SPTAN1: variants seen among roughly 807,000 people sequenced by gnomAD.
SPTAN1 encodes the protein spectrin alpha chain, non-erythrocytic 1.
A neutral mutation model predicts 331.3 loss-of-function variants in SPTAN1; 61 were observed. The ratio of observed to expected loss-of-function variants is 0.18; its 90% CI spans 0.15 to 0.23. The LOEUF (loss-of-function observed/expected upper bound fraction) is 0.23. SPTAN1 is among the 10% of genes least tolerant of loss of function. SPTAN1 has a pLI of 1.00. For missense variants in SPTAN1, 2,043 were observed against 3,147.9 expected, an observed-to-expected ratio of 0.65 and a Z score of 8.40; for synonymous variants, 1,153 against 1,173.9, an observed-to-expected ratio of 0.98 and a Z score of 0.36.
At chr9:128,555,628 T>A (rs904051920) in intron 1 of SPTAN1, among the ~76,000 whole-genome samples, 1 of 151,244 alleles carries the variant, frequency 6.6e-6, no homozygotes, top group Non-Finnish European at 1.5e-5. Context: ...GCCTTTTTTT[T>A]TTTTTTTTTT....
intron 31 of SPTAN1, among the ~76,000 whole-genome samples, chr9:128,605,833 A>G (rs1010695645): frequency 6.6e-6 from 1 of 152,166 alleles, no homozygotes; most frequent in Non-Finnish European, 1.5e-5. Context: ...CTCTACCAAA[A>G]GTACAAAAAT....
At position 128,581,077 on chromosome 9, in the gene SPTAN1, C is replaced by G. The variant is rs778020180; in HGVS notation, c.1461+18C>G. On this transcript the variant is annotated intron_variant, in intron 11 of 56. Coordinates refer to ENST00000372739, the MANE Select transcript of SPTAN1 (RefSeq NM_001130438.3). ...AGCAGGAGGTAATCTGTGAGCAAAG[C>G]CTTGCCAGTGGTGGGAGAAGAAGGG... 2.5e-6 allele frequency: 4 copies of G among 1,613,714 alleles called. No individual in the cohort carries two copies. The South Asian group carries it at 3.3e-5, about 13-fold the overall frequency.
chr9:128,628,726 G>A (rs570299569), intron 51 of SPTAN1: 9 of 168,236 alleles, frequency 5.3e-5, no homozygotes, highest in Non-Finnish European at 1.0e-4. Context: ...CTGTATAGGC[G>A]GCCAGGGGAG....
chr9:128,616,911 G>A (rs879436918), intron 41 of SPTAN1, among the ~76,000 whole-genome samples: 2 of 152,012 alleles, frequency 1.3e-5, no homozygotes, highest in East Asian at 1.9e-4. Flanking sequence ...CATCCTAGGC[G>A]ACAGAGCAAG....
intron 2 of SPTAN1, among the ~76,000 whole-genome samples, chr9:128,568,073 T>G (rs997392773): frequency 6.6e-6 from 1 of 152,230 alleles, no homozygotes; most frequent in African/African-American, 2.4e-5. Context: ...AAACTTTTTT[T>G]ATAAAAAGGG....
chr9:128,615,689 G>C lies in SPTAN1; in HGVS notation c.5206G>C (p.Asp1736His), dbSNP rs148294757. 6.2e-7 allele frequency: 1 copy of C among 1,614,020 alleles called. No homozygotes were observed. Among genetic ancestry groups the C allele is most frequent in the South Asian group, 1.1e-5 (1 of 91,076 alleles). The change falls in exon 41 of 57, where the codon GAC becomes CAC. Residue 1736 changes from aspartate to histidine, a missense_variant. Around this residue, in one of 12 missense-constraint regions of SPTAN1, gnomAD observed 323 missense variants for 581.1 expected, o/e 0.56. Coordinates refer to ENST00000372739, the MANE Select transcript of SPTAN1 (RefSeq NM_001130438.3). ...CAGCCTGATGACCAGCAGTGCCTTC[G>C]ACACCTCCCAAGTAAAGGACAAGAG... The part of the protein sequence containing the change: ...ADSLMTSSAF[D>H]TSQVKDKRDT...
intron 2 of SPTAN1, among the ~76,000 whole-genome samples, chr9:128,567,855 G>C (rs184440576): frequency 6.6e-6 from 1 of 152,008 alleles, no homozygotes; most frequent in African/African-American, 2.4e-5. Context: ...CTGCCTCCCA[G>C]ATTCAAGTGA....
intron 25 of SPTAN1, 199 bp downstream of exon 25, chr9:128,598,703 G>A (rs949299124): frequency 3.0e-6 from 2 of 662,250 alleles, no homozygotes; most frequent in African/African-American, 1.8e-5. Context: ...TGGTTTGGAG[G>A]GGGGTGGGGG....
chr9:128,625,981 G>A lies in SPTAN1; in HGVS notation c.6279+3G>A, dbSNP rs199973563. 5.0e-6 allele frequency: 8 copies of A among 1,613,810 alleles called. No individual in the cohort carries two copies. The highest frequency in any genetic ancestry group is 3.4e-6 in the Non-Finnish European group (4 of 1,179,864). Reference sequence around the variant, plus strand: ...AGGCTCAGAGTCACTTCCGCAAGGTGAGGATGGGGCCACGTGAAGCTTAGC... The same window carrying A: ...AGGCTCAGAGTCACTTCCGCAAGGTAAGGATGGGGCCACGTGAAGCTTAGC... On this transcript the variant is annotated splice_donor_region_variant and intron_variant, in intron 48 of 56. Coordinates refer to ENST00000372739, the MANE Select transcript of SPTAN1 (RefSeq NM_001130438.3). The surrounding 1 kb of genome is among the most constrained non-coding windows in gnomAD (Gnocchi z 4.1).
intron 22 of SPTAN1, 125 bp downstream of exon 22, chr9:128,591,750 A>AC: frequency 8.1e-7 from 1 of 1,236,028 alleles, no homozygotes; most frequent in Non-Finnish European, 1.1e-6. Context: ...TGCTGTCTCC[A>AC]CCCCACTTTG....
In SPTAN1 at chr9:128,554,453, C is replaced by A. The variant is rs115673747; in HGVS notation, c.-4+1757C>A. Among the ~76,000 whole-genome samples, 1,011 of 152,174 alleles carry A rather than the reference C, an allele frequency of 6.6e-3. 10 individuals carry two copies. The highest frequency in any genetic ancestry group is 0.023 in the African/African-American group (941 of 41,510). ...CTGTTTTAAGTATGTCTTTTGGTTC[C>A]CTGGGTTAGAATTTTTTCTGCTTTT... is the stretch of plus-strand genomic sequence containing the variant. On this transcript the variant is annotated intron_variant, in intron 1 of 56. Coordinates refer to ENST00000372739, the MANE Select transcript of SPTAN1 (RefSeq NM_001130438.3).
chr9:128,560,169 A>G (rs7866931), intron 1 of SPTAN1, among the ~76,000 whole-genome samples: 144,097 of 148,166 alleles, frequency 0.97, 70,175 homozygotes, highest in East Asian at 1. Flanking sequence ...CTGCAACCTC[A>G]GCCTCCCGGG....
chr9:128,600,434 G>A (rs1184611445), intron 27 of SPTAN1, among the ~76,000 whole-genome samples: 4 of 152,132 alleles, frequency 2.6e-5, no homozygotes, highest in South Asian at 2.1e-4. Context: ...ATGTGAACAC[G>A]AGAACAACTA....
intron 1 of SPTAN1, chr9:128,555,531 T>C: frequency 5.2e-6 from 3 of 572,154 alleles, no homozygotes; most frequent in Non-Finnish European, 7.7e-6. Flanking sequence ...ATGACGTTTC[T>C]GTTAAACAAA....
chr9:128,590,151 C>T (rs1853280034), intron 21 of SPTAN1, among the ~76,000 whole-genome samples: 1 of 152,142 alleles, frequency 6.6e-6, no homozygotes, highest in Non-Finnish European at 1.5e-5. Context: ...AAGTTTATTC[C>T]CATTCCCACA....
At position 128,604,196 on chromosome 9, in the gene SPTAN1, G is replaced by A. The variant is rs1855528248; in HGVS notation, c.3628-130G>A. 3.2e-6 allele frequency: 3 copies of A among 943,902 alleles called. No individual in the cohort carries two copies. The South Asian group carries it at 4.2e-5, about 13-fold the overall frequency. The allele number at this position is 943,902 out of a possible 1,614,324, so 58.5% of individuals were successfully genotyped here. A position where few individuals can be genotyped will look rare whatever the true frequency, so the allele number is the denominator to read the frequency against. On this transcript the variant is annotated intron_variant, in intron 28 of 56. Transcript: ENST00000372739. ...AATATTGTATACTAATTTATTCAGCGAGGAAGGTTGGAAACAGGAAATTAT... is the reference window on the plus strand; with the variant it reads ...AATATTGTATACTAATTTATTCAGCAAGGAAGGTTGGAAACAGGAAATTAT...
intron 9 of SPTAN1, 31 bp downstream of exon 9, chr9:128,578,276 G>A (rs746501410): frequency 6.2e-7 from 1 of 1,612,842 alleles, no homozygotes; most frequent in Non-Finnish European, 8.5e-7. Context: ...TTCCAGAAGT[G>A]AAGATTTTAG....
intron 24 of SPTAN1, chr9:128,596,723 ACT>A (rs1044085268): frequency 6.6e-6 from 1 of 152,088 alleles, no homozygotes; most frequent in Admixed American, 6.6e-5. Flanking sequence ...ATAGGGTCTC[ACT>A]CTCTCACACA....
Position 128,632,723 on chromosome 9 carries a change from A to G in SPTAN1, c.7160+5A>G. ...GGACACGGTGGATCCGAACAGGTAA[A>G]TTAATTAAGGCCAGGTGCTGTGAGC... On this transcript the variant is annotated splice_donor_5th_base_variant and intron_variant, in intron 55 of 56. Coordinates refer to ENST00000372739, the MANE Select transcript of SPTAN1 (RefSeq NM_001130438.3). The G allele has an allele frequency of 6.2e-7, 1 of 1,612,944 alleles. No individual in the cohort carries two copies. The highest frequency in any genetic ancestry group is 1.7e-4 in the Middle Eastern group (1 of 6,056).
Sources: allele counts gnomAD v4.1 joint callset (sites outside exome capture counted in the v4.1 genomes callset), GRCh38; gene constraint gnomAD v4.1.1; regional missense constraint gnomAD v4.1.1; non-coding constraint Gnocchi (gnomAD v3.1); transcripts MANE v1.5; gene names NCBI Gene and HGNC (gene_info 2026-07-23, HGNC 2026-07-21).